The following FOXRED1 variants were observed in gnomAD, a reference collection of about 807,000 sequenced individuals.
FOXRED1 encodes the protein FAD dependent oxidoreductase domain containing 1.
FOXRED1 carries 52 observed loss-of-function variants against 57.8 expected under a neutral mutation model. The observed-to-expected ratio is 0.90, with a 90% CI of 0.72 to 1.13. FOXRED1 has a LOEUF of 1.13. Ranked by LOEUF, FOXRED1 falls within the 50% of genes most tolerant of loss-of-function variation. The pLI, the probability that FOXRED1 is intolerant of heterozygous loss-of-function variation, is 0.00. For missense variants in FOXRED1, 589 were observed against 625.2 expected (o/e 0.94, Z 0.62); for synonymous variants, 271 against 248.3 (o/e 1.09, Z -0.86).
In FOXRED1 at chr11:126,275,630, C is replaced by CAA; in HGVS notation, c.734-163_734-162insAA. ...TGATTGCACCTGAGCACTGTCCTGT[C>CAA]AGAGTGTGGCCAAGCTCATGCCAGC... On this transcript the variant is annotated intron_variant, in intron 6 of 10. Coordinates refer to ENST00000263578, the MANE Select transcript of FOXRED1 (RefSeq NM_017547.4). This position sits in a 1 kb window ranked among gnomAD's most constrained non-coding sequence, Gnocchi z 5.9. 1.4e-6 allele frequency: 1 copy of CAA among 720,650 alleles called. No individual in the cohort carries two copies. Among genetic ancestry groups the CAA allele is most frequent in the East Asian group, 2.7e-5 (1 of 37,338 alleles). 44.6% of individuals were successfully genotyped at this position (720,650 alleles called of 1,614,324 possible).
Position 126,275,149 on chromosome 11 carries a change from A to T in FOXRED1, c.631+128A>T, listed in dbSNP as rs1159377953. ...AACACTTCCCTCCTGTGTCACGGGA[A>T]CTGCCCTGGGCCGTGGTAGTTCTCT... On this transcript the variant is annotated intron_variant, in intron 5 of 10. Coordinates refer to ENST00000263578, the MANE Select transcript of FOXRED1 (RefSeq NM_017547.4). The surrounding 1 kb of genome is among the most constrained non-coding windows in gnomAD (Gnocchi z 5.9). 1.2e-6 allele frequency: 1 copy of T among 821,256 alleles called. No individual in the cohort carries two copies. Among genetic ancestry groups the T allele is most frequent in the Non-Finnish European group, 2.1e-6 (1 of 478,064 alleles). 50.9% of individuals were successfully genotyped at this position (821,256 alleles called of 1,614,324 possible). A position where few individuals can be genotyped will look rare whatever the true frequency, so the allele number is the denominator to read the frequency against.
In FOXRED1 at chr11:126,277,215, A is replaced by G; in HGVS notation, c.1206+40A>G. Reference sequence around the variant, plus strand: ...CTGGTTTTCCTTTTTATTTTTGGACATTGGATGGGACAGATGACAGTGGAG... The same window carrying G: ...CTGGTTTTCCTTTTTATTTTTGGACGTTGGATGGGACAGATGACAGTGGAG... On this transcript the variant is annotated intron_variant, in intron 10 of 10. Transcript: ENST00000263578. This position sits in a 1 kb window ranked among gnomAD's most constrained non-coding sequence, Gnocchi z 6.8. 1 of 1,378,480 alleles carries G rather than the reference A, an allele frequency of 7.3e-7. No homozygotes were observed. The highest frequency in any genetic ancestry group is 1.0e-6 in the Non-Finnish European group (1 of 965,928). The allele number at this position is 1,378,480 out of a possible 1,614,324, so 85.4% of individuals were successfully genotyped here. A position where few individuals can be genotyped will look rare whatever the true frequency, so the allele number is the denominator to read the frequency against.
At position 126,277,588 on chromosome 11, in the gene FOXRED1, G is replaced by C. The variant is rs1951191006; in HGVS notation, c.1360G>C (p.Glu454Gln). 1 of 1,613,848 alleles carries C rather than the reference G, an allele frequency of 6.2e-7. No homozygotes were observed. Among genetic ancestry groups the C allele is most frequent in the Non-Finnish European group, 8.5e-7 (1 of 1,180,026 alleles). The stretch of plus-strand genomic sequence containing the variant: ...CCCTGGCATTGGGCGAGCTGTAGCA[G>C]AGATGGTACTGAAGGGCAGGTTCCA... ...QAPGIGRAVA[E>Q]MVLKGRFQTI... The change falls in exon 11 of 11, where the codon GAG becomes CAG. Residue 454 changes from glutamate (E) to glutamine (Q), a missense_variant. Glu to Gln is a conservative substitution (Grantham distance 29). Transcript: ENST00000263578. The surrounding 1 kb of genome is among the most constrained non-coding windows in gnomAD (Gnocchi z 6.8).
chr11:126,272,733 T>G lies in FOXRED1; in HGVS notation c.307-236T>G. On this transcript the variant is annotated intron_variant, in intron 2 of 10. Transcript: ENST00000263578. The surrounding 1 kb of genome is among the most constrained non-coding windows in gnomAD (Gnocchi z 4.6). ...CTTGGACTTCCAGGCCATTACCATT[T>G]TGTACCACTGTGTCAGCTCTTTCCA... The G allele has an allele frequency of 1.7e-6, 1 of 596,470 alleles. No individual in the cohort carries two copies. Among genetic ancestry groups the G allele is most frequent in the Non-Finnish European group, 3.0e-6 (1 of 333,626 alleles). 36.9% of individuals were successfully genotyped at this position (596,470 alleles called of 1,614,324 possible). A position where few individuals can be genotyped will look rare whatever the true frequency, so the allele number is the denominator to read the frequency against.
At position 126,271,316 on chromosome 11, in the gene FOXRED1, G is replaced by A. The variant is rs1950978640; in HGVS notation, c.86-121G>A. 1.3e-6 allele frequency: 1 copy of A among 759,030 alleles called. No homozygotes were observed. 47.0% of individuals were successfully genotyped at this position (759,030 alleles called of 1,614,324 possible). ...GCAAGGTGACCTTATGAGATGGGCT[G>A]ACAGTGGGGACTGCCAACTCATGTG... is the stretch of plus-strand genomic sequence containing the variant. On this transcript the variant is annotated intron_variant, in intron 1 of 10. Transcript: ENST00000263578. The surrounding 1 kb of genome is among the most constrained non-coding windows in gnomAD (Gnocchi z 5.3).
At chr11:126,270,175 T>G (rs1404459545) in intron 1 of FOXRED1, among the ~76,000 whole-genome samples, 1 of 152,146 alleles carries the variant, frequency 6.6e-6, no homozygotes. Flanking sequence ...AGAAAAATAT[T>G]GTTCTTATGC....
At chr11:126,270,721 T>C (rs1950963826) in intron 1 of FOXRED1, among the ~76,000 whole-genome samples, 1 of 152,234 alleles carries the variant, frequency 6.6e-6, no homozygotes, top group East Asian at 1.9e-4. Context: ...CTTAGAGTAA[T>C]GGAAAACTCA....
rs756926851 is a variant in FOXRED1 at position 126,277,770 on chromosome 11, G to A, written c.*81G>A. ...TTGTTTGCTGCTTCCATCTTCCCCAGTACTGTGCCAGGCCTTCTCCCCCTC... is the reference window on the plus strand; with the variant it reads ...TTGTTTGCTGCTTCCATCTTCCCCAATACTGTGCCAGGCCTTCTCCCCCTC... On this transcript the variant is annotated 3_prime_UTR_variant, in exon 11 of 11. Transcript: ENST00000263578. This position sits in a 1 kb window ranked among gnomAD's most constrained non-coding sequence, Gnocchi z 6.8. 4.1e-5 allele frequency: 61 copies of A among 1,487,690 alleles called. No individual in the cohort carries two copies. The highest frequency in any genetic ancestry group is 5.2e-5 in the Non-Finnish European group (56 of 1,069,008). The allele number at this position is 1,487,690 out of a possible 1,614,324, so 92.2% of individuals were successfully genotyped here. A position where few individuals can be genotyped will look rare whatever the true frequency, so the allele number is the denominator to read the frequency against.
At position 126,277,057 on chromosome 11, in the gene FOXRED1, A is replaced by G; in HGVS notation, c.1102-14A>G. 2 of 1,538,894 alleles carry G rather than the reference A, an allele frequency of 1.3e-6. No individual in the cohort carries two copies. The highest frequency in any genetic ancestry group is 1.8e-6 in the Non-Finnish European group (2 of 1,112,124). On this transcript the variant is annotated splice_polypyrimidine_tract_variant and intron_variant, in intron 9 of 10. Coordinates refer to ENST00000263578, the MANE Select transcript of FOXRED1 (RefSeq NM_017547.4). This position sits in a 1 kb window ranked among gnomAD's most constrained non-coding sequence, Gnocchi z 6.8. ...CCCAGGCAATGTAAGCGTTGTCCCC[A>G]CCTCTCACTCCAGCAGGAAGAACCG...
At position 126,273,508 on chromosome 11, in the gene FOXRED1, C is replaced by CT; in HGVS notation, c.536+55dup. 2.6e-6 allele frequency: 3 copies of CT among 1,158,948 alleles called. No homozygotes were observed. Among genetic ancestry groups the CT allele is most frequent in the Non-Finnish European group, 3.9e-6 (3 of 765,686 alleles). 71.8% of individuals were successfully genotyped at this position (1,158,948 alleles called of 1,614,324 possible). ...CTTGGCAGCCAAAGGTGTTGGGTGA[C>CT]TCCTGCACCAGGTTAGGAAGCGAGA... On this transcript the variant is annotated intron_variant, in intron 4 of 10. Coordinates refer to ENST00000263578, the MANE Select transcript of FOXRED1 (RefSeq NM_017547.4). This position sits in a 1 kb window ranked among gnomAD's most constrained non-coding sequence, Gnocchi z 5.9.
chr11:126,277,234 A>G lies in FOXRED1; in HGVS notation c.1206+59A>G. On this transcript the variant is annotated intron_variant, in intron 10 of 10. Coordinates refer to ENST00000263578, the MANE Select transcript of FOXRED1 (RefSeq NM_017547.4). This position sits in a 1 kb window ranked among gnomAD's most constrained non-coding sequence, Gnocchi z 6.8. ...TTGGACATTGGATGGGACAGATGAC[A>G]GTGGAGCACATTGGTCCCCTCGGAC... 1 of 1,258,850 alleles carries G rather than the reference A, an allele frequency of 7.9e-7. No individual in the cohort carries two copies. Among genetic ancestry groups the G allele is most frequent in the Non-Finnish European group, 1.2e-6 (1 of 857,694 alleles). The allele number at this position is 1,258,850 out of a possible 1,614,324, so 78.0% of individuals were successfully genotyped here. A position where few individuals can be genotyped will look rare whatever the true frequency, so the allele number is the denominator to read the frequency against.
At position 126,277,653 on chromosome 11, in the gene FOXRED1, C is replaced by A. The variant is rs150932515; in HGVS notation, c.1425C>A (p.Tyr475Ter). 1.9e-6 allele frequency: 3 copies of A among 1,613,752 alleles called. No homozygotes were observed. The highest frequency in any genetic ancestry group is 2.5e-6 in the Non-Finnish European group (3 of 1,180,004). The change falls in exon 11 of 11, where the codon TAC becomes TAA. Residue 475 changes from tyrosine to a stop codon, truncating the protein, a stop_gained. Coordinates refer to ENST00000263578, the MANE Select transcript of FOXRED1 (RefSeq NM_017547.4). LOFTEE classifies it high-confidence loss of function. The surrounding 1 kb of genome is among the most constrained non-coding windows in gnomAD (Gnocchi z 6.8). ...DLSPFLFTRF[Y>*]LGEKIQENNI... ...GCCCCTTCCTCTTTACCCGCTTTTA[C>A]TTGGGAGAGAAGATCCAGGAGAACA...
Position 126,272,160 on chromosome 11 carries a change from C to T in FOXRED1, c.306+503C>T, listed in dbSNP as rs1469637528. On this transcript the variant is annotated intron_variant, in intron 2 of 10. Transcript: ENST00000263578. This position sits in a 1 kb window ranked among gnomAD's most constrained non-coding sequence, Gnocchi z 4.6. ...TATTTTTAGTAGAGATGAGGTTTCA[C>T]CATGTTGCCTAGGCTGGTCTTGAAC... Among the ~76,000 whole-genome samples, 3 of 152,084 alleles carry T rather than the reference C, an allele frequency of 2.0e-5. No individual in the cohort carries two copies. Among genetic ancestry groups the T allele is most frequent in the African/African-American group, 7.2e-5 (3 of 41,398 alleles).
chr11:126,277,769 A>G lies in FOXRED1; in HGVS notation c.*80A>G. ...CTTGTTTGCTGCTTCCATCTTCCCCAGTACTGTGCCAGGCCTTCTCCCCCT... is the reference window on the plus strand; with the variant it reads ...CTTGTTTGCTGCTTCCATCTTCCCCGGTACTGTGCCAGGCCTTCTCCCCCT... On this transcript the variant is annotated 3_prime_UTR_variant, in exon 11 of 11. Coordinates refer to ENST00000263578, the MANE Select transcript of FOXRED1 (RefSeq NM_017547.4). This position sits in a 1 kb window ranked among gnomAD's most constrained non-coding sequence, Gnocchi z 6.8. The G allele has an allele frequency of 6.7e-7, 1 of 1,491,608 alleles. No individual in the cohort carries two copies. Among genetic ancestry groups the G allele is most frequent in the Non-Finnish European group, 9.3e-7 (1 of 1,072,272 alleles). The allele number at this position is 1,491,608 out of a possible 1,614,324, so 92.4% of individuals were successfully genotyped here. A position where few individuals can be genotyped will look rare whatever the true frequency, so the allele number is the denominator to read the frequency against.
At position 126,274,888 on chromosome 11, in the gene FOXRED1, T is replaced by TAC. The variant is rs144196411; in HGVS notation, c.537-39_537-38insAC. Reference sequence around the variant, plus strand: ...TACATCATCCCCCTGCACACTCCCCTCTCTGACACACATACACCGACCCAC... The same window carrying TAC: ...TACATCATCCCCCTGCACACTCCCCTACCTCTGACACACATACACCGACCCAC... On this transcript the variant is annotated intron_variant, in intron 4 of 10. Coordinates refer to ENST00000263578, the MANE Select transcript of FOXRED1 (RefSeq NM_017547.4). The surrounding 1 kb of genome is among the most constrained non-coding windows in gnomAD (Gnocchi z 4.8). 1 of 1,215,470 alleles carries TAC rather than the reference T, an allele frequency of 8.2e-7. No homozygotes were observed. Among genetic ancestry groups the TAC allele is most frequent in the East Asian group, 2.3e-5 (1 of 43,086 alleles). The allele number at this position is 1,215,470 out of a possible 1,614,324, so 75.3% of individuals were successfully genotyped here.
In FOXRED1 at chr11:126,272,651, T is replaced by TG. The variant is rs1428424549; in HGVS notation, c.307-318_307-317insG. 1 of 435,282 alleles carries TG rather than the reference T, an allele frequency of 2.3e-6. No homozygotes were observed. The highest frequency in any genetic ancestry group is 4.3e-6 in the Non-Finnish European group (1 of 234,274). The allele number at this position is 435,282 out of a possible 1,614,324, so 27.0% of individuals were successfully genotyped here. A position where few individuals can be genotyped will look rare whatever the true frequency, so the allele number is the denominator to read the frequency against. ...CAGCTAGCCACGAGTCTTGCTACTT[T>TG]ACTTCAATCATAACCTTTCATTTCC... On this transcript the variant is annotated intron_variant, in intron 2 of 10. Coordinates refer to ENST00000263578, the MANE Select transcript of FOXRED1 (RefSeq NM_017547.4). The surrounding 1 kb of genome is among the most constrained non-coding windows in gnomAD (Gnocchi z 4.6).
Position 126,276,460 on chromosome 11 carries a change from T to C in FOXRED1, c.1038T>C (p.Ser346=). Residue 346 remains serine, a synonymous_variant, in exon 9 of 11, where the codon AGT becomes AGC. Coordinates refer to ENST00000263578, the MANE Select transcript of FOXRED1 (RefSeq NM_017547.4). ...AGACTCCGCTTGTTGCAGACACCAG[T>C]GGAGCCTATTTTCGCCGGGAAGGAT... ...GLETPLVADT[S]GAYFRREGLG... The C allele has an allele frequency of 6.2e-7, 1 of 1,607,780 alleles. No individual in the cohort carries two copies. The highest frequency in any genetic ancestry group is 1.1e-5 in the South Asian group (1 of 90,950).
intron 9 of FOXRED1, 147 bp downstream of exon 9, chr11:126,276,670 G>A: frequency 1.2e-6 from 1 of 812,186 alleles, no homozygotes; most frequent in Non-Finnish European, 2.0e-6. Flanking sequence ...GAGGTTAGGA[G>A]TTTGAGACCA....
chr11:126,275,726 C>A lies in FOXRED1; in HGVS notation c.734-68C>A. 2 of 1,085,486 alleles carry A rather than the reference C, an allele frequency of 1.8e-6. No homozygotes were observed. Among genetic ancestry groups the A allele is most frequent in the Non-Finnish European group, 1.4e-6 (1 of 704,004 alleles). The allele number at this position is 1,085,486 out of a possible 1,614,324, so 67.2% of individuals were successfully genotyped here. A position where few individuals can be genotyped will look rare whatever the true frequency, so the allele number is the denominator to read the frequency against. On this transcript the variant is annotated intron_variant, in intron 6 of 10. Coordinates refer to ENST00000263578, the MANE Select transcript of FOXRED1 (RefSeq NM_017547.4). This position sits in a 1 kb window ranked among gnomAD's most constrained non-coding sequence, Gnocchi z 5.9. The stretch of plus-strand genomic sequence containing the variant: ...CTTCCAGCTTTCTTTCCTTAAGAAA[C>A]CAGTGAAATCCCCATTTCATTCCTC...
Sources: gnomAD v4.1 joint callset for allele counts (sites outside exome capture counted in the v4.1 genomes callset) on GRCh38, gnomAD v4.1.1 for gene constraint, Gnocchi (gnomAD v3.1) non-coding constraint, MANE v1.5 for transcripts, NCBI Gene and HGNC (gene_info 2026-07-23, HGNC 2026-07-21) for gene names.